The following PRKCA variants were observed in gnomAD, a reference collection of about 807,000 sequenced individuals.
PRKCA encodes the protein protein kinase C alpha, also known as protein kinase C alpha type.
PRKCA carries 27 observed loss-of-function variants against 87.0 expected under a neutral mutation model. That is an observed-to-expected ratio of 0.31 (90% CI 0.23 to 0.43). The LOEUF (loss-of-function observed/expected upper bound fraction) is 0.43, where lower values mean the gene tolerates loss of function less well. PRKCA is among the 20% of genes least tolerant of loss of function. The probability of loss-of-function intolerance (pLI) is 1.00; values close to 1 mark genes in which losing one functional copy is unlikely to be tolerated. For missense variants in PRKCA, 518 were observed against 852.3 expected (o/e 0.61, Z 4.88); for synonymous variants, 329 against 311.1 (o/e 1.06, Z -0.61).
intron 2 of PRKCA, among the ~76,000 whole-genome samples, chr17:66,414,321 C>G (rs1912002792): frequency 6.6e-6 from 1 of 152,154 alleles, no homozygotes; most frequent in Non-Finnish European, 1.5e-5. Context: ...GTGTGTAGCA[C>G]CTCCCTGCTC....
At chr17:66,338,000 T>C (rs1906806116) in intron 2 of PRKCA, among the ~76,000 whole-genome samples, 3 of 149,172 alleles carry the variant, frequency 2.0e-5, no homozygotes, top group African/African-American at 5.0e-5. Context: ...CTGGGAATCT[T>C]CCCCCCCCTC....
chr17:66,503,406 A>C (rs73336540), intron 3 of PRKCA, among the ~76,000 whole-genome samples: 3,205 of 152,284 alleles, frequency 0.021, 99 homozygotes, highest in African/African-American at 0.071. Context: ...GCCTGCCAGA[A>C]TGTTTGGAAG....
intron 5 of PRKCA, among the ~76,000 whole-genome samples, chr17:66,685,532 C>G (rs990874959): frequency 2.6e-5 from 4 of 152,194 alleles, no homozygotes; most frequent in Admixed American, 2.6e-4. Flanking sequence ...GCCCCCTCCC[C>G]CTCTGTATTT....
chr17:66,350,322 C>T (rs905611120), intron 2 of PRKCA, among the ~76,000 whole-genome samples: 2 of 151,976 alleles, frequency 1.3e-5, no homozygotes, highest in Non-Finnish European at 2.9e-5. Context: ...CAGTCCTGCC[C>T]GGGGCTCACC....
intron 2 of PRKCA, among the ~76,000 whole-genome samples, chr17:66,409,274 A>C (rs1056833938): frequency 1.3e-5 from 2 of 151,982 alleles, no homozygotes; most frequent in Admixed American, 1.3e-4. Context: ...CACTTGTTGA[A>C]AGTCTTGGAT....
At position 66,742,643 on chromosome 17, in the gene PRKCA, C is replaced by A; in HGVS notation, c.1407C>A (p.Val469=). 6.2e-7 allele frequency: 1 copy of A among 1,614,138 alleles called. No homozygotes were observed. Among genetic ancestry groups the A allele is most frequent in the Non-Finnish European group, 8.5e-7 (1 of 1,180,010 alleles). ...IIYRDLKLDN[V]MLDSEGHIKI... ...GCAGGGATCTGAAGTTAGATAACGT[C>A]ATGTTGGATTCAGAAGGACATATCA... is the stretch of plus-strand genomic sequence containing the variant. The change falls in exon 13 of 17, where the codon GTC becomes GTA. Residue 469 remains valine, a synonymous_variant. Coordinates refer to ENST00000413366, the MANE Select transcript of PRKCA (RefSeq NM_002737.3).
chr17:66,519,809 G>T (rs1967097409), intron 3 of PRKCA, among the ~76,000 whole-genome samples: 1 of 152,224 alleles, frequency 6.6e-6, no homozygotes, highest in African/African-American at 2.4e-5. Flanking sequence ...CTGGCATTCT[G>T]CATTTCCCAA....
chr17:66,800,794 G>C (rs867994083), intron 16 of PRKCA, among the ~76,000 whole-genome samples: 1 of 152,178 alleles, frequency 6.6e-6, no homozygotes, highest in Non-Finnish European at 1.5e-5. Flanking sequence ...ATTCATCAAC[G>C]TGTCCTGTGA....
At chr17:66,721,427 A>G (rs1167975066) in intron 8 of PRKCA, among the ~76,000 whole-genome samples, 3 of 150,846 alleles carry the variant, frequency 2.0e-5, no homozygotes, top group Non-Finnish European at 3.0e-5. Context: ...TGGCTACTCC[A>G]TAGGCAGAGC....
intron 5 of PRKCA, among the ~76,000 whole-genome samples, chr17:66,682,896 A>G (rs527286634): frequency 6.6e-6 from 1 of 152,196 alleles, no homozygotes; most frequent in Admixed American, 6.5e-5. Context: ...ATTCCCTCCA[A>G]CTGTGCTTCC....
chr17:66,518,925 A>G (rs773060373), intron 3 of PRKCA, among the ~76,000 whole-genome samples: 4 of 152,328 alleles, frequency 2.6e-5, no homozygotes, highest in Middle Eastern at 3.4e-3. Context: ...GGTCATTATC[A>G]TCAACACAGA....
chr17:66,463,850 A>C (rs1036810128), intron 2 of PRKCA, among the ~76,000 whole-genome samples: 1 of 152,140 alleles, frequency 6.6e-6, no homozygotes, highest in Middle Eastern at 3.2e-3. Flanking sequence ...TGGTCCATTC[A>C]TTGCAGTTGA....
At chr17:66,556,832 C>T (rs527678072) in intron 3 of PRKCA, among the ~76,000 whole-genome samples, 2 of 152,208 alleles carry the variant, frequency 1.3e-5, no homozygotes, top group Admixed American at 1.3e-4. Context: ...ATCTGTGAGT[C>T]AATTAAATCT....
At position 66,304,132 on chromosome 17, in the gene PRKCA, G is replaced by T. The variant is rs187503654; in HGVS notation, c.173+1108G>T. On this transcript the variant is annotated intron_variant, in intron 1 of 16. Coordinates refer to ENST00000413366, the MANE Select transcript of PRKCA (RefSeq NM_002737.3). ...GATCAGGTAATCGCCAATGAATTCA[G>T]GCATTCTTAACTCGGAGGGTCCCTG... is the stretch of plus-strand genomic sequence containing the variant. 2.0e-5 allele frequency among the ~76,000 whole-genome samples: 3 copies of T among 152,304 alleles called. No homozygotes were observed. In the East Asian group the frequency reaches 5.8e-4, roughly 29 times the overall value.
At chr17:66,618,265 G>A (rs1474299035) in intron 3 of PRKCA, among the ~76,000 whole-genome samples, 1 of 151,012 alleles carries the variant, frequency 6.6e-6, no homozygotes, top group Admixed American at 6.6e-5. Context: ...TGAGGTGGGA[G>A]AATTGCTTGA....
intron 3 of PRKCA, among the ~76,000 whole-genome samples, chr17:66,505,082 A>T (rs1916914909): frequency 6.6e-6 from 1 of 152,232 alleles, no homozygotes; most frequent in African/African-American, 2.4e-5. Context: ...AAACACACCC[A>T]ACAAAAAAAC....
chr17:66,580,678 G>T (rs895509192), intron 3 of PRKCA, among the ~76,000 whole-genome samples: 1 of 152,134 alleles, frequency 6.6e-6, no homozygotes, highest in Non-Finnish European at 1.5e-5. Context: ...GTCAGTGTGC[G>T]GTAAAGTGGG....
intron 8 of PRKCA, among the ~76,000 whole-genome samples, chr17:66,721,486 A>C (rs1010975865): frequency 6.6e-6 from 1 of 151,604 alleles, no homozygotes; most frequent in Non-Finnish European, 1.5e-5. Context: ...TTTCTTGATC[A>C]TATGCTTTAA....
intron 13 of PRKCA, among the ~76,000 whole-genome samples, chr17:66,762,010 T>C (rs1017183062): frequency 1.3e-5 from 2 of 152,084 alleles, no homozygotes; most frequent in African/African-American, 4.8e-5. Context: ...CAGTAAAAAA[T>C]CAATTTAATT....
Sources: gnomAD v4.1 joint callset for allele counts (sites outside exome capture counted in the v4.1 genomes callset) on GRCh38, gnomAD v4.1.1 for gene constraint, MANE v1.5 for transcripts, NCBI Gene and HGNC (gene_info 2026-07-23, HGNC 2026-07-21) for gene names.